The following XKR6 variants were observed in gnomAD, a reference collection of about 807,000 sequenced individuals.
The protein encoded by XKR6 is XK-related protein 6.
A neutral mutation model predicts 56.7 loss-of-function variants in XKR6; 22 were observed. That is an observed-to-expected ratio of 0.39 (90% CI 0.28 to 0.55). The LOEUF (loss-of-function observed/expected upper bound fraction) is 0.55. XKR6 is among the 20% of genes least tolerant of loss of function. XKR6 has a pLI of 0.66. For synonymous variants in XKR6, 524 were observed against 387.8 expected, an observed-to-expected ratio of 1.35 and a Z score of -4.13; for missense variants, 852 against 889.0, an observed-to-expected ratio of 0.96 and a Z score of 0.53.
intron 1 of XKR6, among the ~76,000 whole-genome samples, chr8:11,182,798 T>C (rs983954341): frequency 1.3e-5 from 2 of 152,228 alleles, no homozygotes; most frequent in African/African-American, 4.8e-5. Flanking sequence ...ACATTCACAA[T>C]GCATCATCAG....
intron 1 of XKR6, among the ~76,000 whole-genome samples, chr8:11,177,555 T>C (rs1287566763): frequency 7.4e-6 from 1 of 135,908 alleles, no homozygotes; most frequent in Non-Finnish European, 1.7e-5. Flanking sequence ...ATGTAGTAAC[T>C]TAAGGTGAGG....
intron 1 of XKR6, among the ~76,000 whole-genome samples, chr8:11,170,965 C>G (rs1802337533): frequency 6.6e-6 from 1 of 152,224 alleles, no homozygotes; most frequent in Non-Finnish European, 1.5e-5. Flanking sequence ...TCACCCTTCA[C>G]AAATGACTAC....
intron 1 of XKR6, among the ~76,000 whole-genome samples, chr8:11,121,884 A>G (rs1799475309): frequency 6.6e-6 from 1 of 152,238 alleles, no homozygotes; most frequent in Non-Finnish European, 1.5e-5. Flanking sequence ...TGTCCTTTGT[A>G]GGGACGTGGA....
chr8:11,134,979 T>C (rs1800306343), intron 1 of XKR6, among the ~76,000 whole-genome samples: 2 of 152,088 alleles, frequency 1.3e-5, no homozygotes, highest in African/African-American at 4.8e-5. Context: ...CAAATTTTGA[T>C]TGTATTTGTT....
chr8:11,114,222 G>A (rs1799049058), intron 1 of XKR6: 1 of 289,768 alleles, frequency 3.5e-6, no homozygotes, highest in Non-Finnish European at 6.7e-6. Flanking sequence ...TCTACACAGA[G>A]AATCACAATC....
intron 1 of XKR6, among the ~76,000 whole-genome samples, chr8:11,069,349 C>T (rs972812316): frequency 6.6e-6 from 1 of 152,158 alleles, no homozygotes; most frequent in Admixed American, 6.5e-5. Context: ...CTGGTCCATC[C>T]CCCACCAGAG....
intron 2 of XKR6, among the ~76,000 whole-genome samples, chr8:10,917,281 C>T (rs1261059942): frequency 6.6e-6 from 1 of 152,158 alleles, no homozygotes; most frequent in African/African-American, 2.4e-5. Flanking sequence ...CAACTTCCTT[C>T]CCTCTCTGTG....
At chr8:11,092,265 T>A (rs1036200250) in intron 1 of XKR6, among the ~76,000 whole-genome samples, 6 of 152,218 alleles carry the variant, frequency 3.9e-5, no homozygotes, top group African/African-American at 1.4e-4. Flanking sequence ...CTGCAACTCA[T>A]TGTGCACGCA....
chr8:10,928,144 A>G (rs1199222941), intron 1 of XKR6, among the ~76,000 whole-genome samples: 3 of 152,164 alleles, frequency 2.0e-5, no homozygotes, highest in African/African-American at 7.2e-5. Flanking sequence ...TTTATAGTGG[A>G]GGGCCCAGGT....
At position 11,067,905 on chromosome 8, in the gene XKR6, G is replaced by A. The variant is rs12681505; in HGVS notation, c.764+132671C>T. On this transcript the variant is annotated intron_variant, in intron 1 of 2. Transcript: ENST00000416569. ...GGGGTCTCCCCATGACTGCAGCCGC[G>A]CCCATGCTCACTGGGTAATGCTGTG... Among the ~76,000 whole-genome samples, 33 of 152,338 alleles carry A rather than the reference G, an allele frequency of 2.2e-4. No individual in the cohort carries two copies. In the East Asian group the frequency reaches 5.6e-3, roughly 26 times the overall value.
At chr8:11,166,213 A>T (rs1053682087) in intron 1 of XKR6, among the ~76,000 whole-genome samples, 1 of 152,132 alleles carries the variant, frequency 6.6e-6, no homozygotes, top group Non-Finnish European at 1.5e-5. Flanking sequence ...ACTATCCTTC[A>T]TTTTCCAGTG....
At chr8:11,085,636 G>A (rs1202314730) in intron 1 of XKR6, among the ~76,000 whole-genome samples, 2 of 152,126 alleles carry the variant, frequency 1.3e-5, no homozygotes, top group African/African-American at 4.8e-5. Context: ...AGGAAAGAAT[G>A]CCCGCCATAG....
At chr8:11,105,546 G>C (rs1024427952) in intron 1 of XKR6, 1 of 152,238 alleles carries the variant, frequency 6.6e-6, no homozygotes, top group Non-Finnish European at 1.5e-5. Context: ...CATTCCTACT[G>C]ATTCACTCCC....
In XKR6 at chr8:11,058,291, A is replaced by C. The variant is rs546377712; in HGVS notation, c.765-133461T>G. Among the ~76,000 whole-genome samples, 5 of 152,360 alleles carry C rather than the reference A, an allele frequency of 3.3e-5. No individual in the cohort carries two copies. In the South Asian group the frequency reaches 1.0e-3, roughly 32 times the overall value. Reference sequence around the variant, plus strand: ...CGATTCCTCAAGGATCTAGTACCAGAAATGCCATTTGACCCAGCAATCCCA... The same window carrying C: ...CGATTCCTCAAGGATCTAGTACCAGCAATGCCATTTGACCCAGCAATCCCA... On this transcript the variant is annotated intron_variant, in intron 1 of 2. Transcript: ENST00000416569.
intron 1 of XKR6, among the ~76,000 whole-genome samples, chr8:11,176,715 G>A (rs1802674587): frequency 6.6e-6 from 1 of 152,012 alleles, no homozygotes; most frequent in South Asian, 2.1e-4. Context: ...GGCCCCATCA[G>A]CAGTTAGGGC....
chr8:10,969,712 G>T (rs1185331079), intron 1 of XKR6, among the ~76,000 whole-genome samples: 1 of 152,194 alleles, frequency 6.6e-6, no homozygotes, highest in Non-Finnish European at 1.5e-5. Flanking sequence ...CGTGAAAGAT[G>T]GAAACAGGAG....
chr8:11,095,586 C>T (rs1164578341), intron 1 of XKR6, among the ~76,000 whole-genome samples: 1 of 152,182 alleles, frequency 6.6e-6, no homozygotes, highest in Non-Finnish European at 1.5e-5. Context: ...TCCTAGTGAA[C>T]AGATGTACTG....
In XKR6 at chr8:11,200,284, G is replaced by A. The variant is rs1409249043; in HGVS notation, c.764+292C>T. Among the ~76,000 whole-genome samples, 1 of 152,242 alleles carries A rather than the reference G, an allele frequency of 6.6e-6. No individual in the cohort carries two copies. Among genetic ancestry groups the A allele is most frequent in the Non-Finnish European group, 1.5e-5 (1 of 68,036 alleles). ...GGAGGCAGGGAAAAGGGACGCTTGG[G>A]AACGGAGCTCTGCAGAGGGGACGGG... On this transcript the variant is annotated intron_variant, in intron 1 of 2. Coordinates refer to ENST00000416569, the MANE Select transcript of XKR6 (RefSeq NM_173683.4). This position sits in a 1 kb window ranked among gnomAD's most constrained non-coding sequence, Gnocchi z 6.4.
rs1369120381 is a variant in XKR6 at position 11,120,649 on chromosome 8, C to T, written c.764+79927G>A. ...TAGATTCAATGCCATCCCCATCAAG[C>T]TACCAATGACTTTCTTCACAGAATT... is the stretch of plus-strand genomic sequence containing the variant. On this transcript the variant is annotated intron_variant, in intron 1 of 2. Coordinates refer to ENST00000416569, the MANE Select transcript of XKR6 (RefSeq NM_173683.4). Among the ~76,000 whole-genome samples the T allele has an allele frequency of 5.9e-5, 9 of 152,130 alleles. No homozygotes were observed. The South Asian group carries it at 6.2e-4, about 11-fold the overall frequency.
Sources: allele counts gnomAD v4.1 joint callset (sites outside exome capture counted in the v4.1 genomes callset), GRCh38; gene constraint gnomAD v4.1.1; non-coding constraint Gnocchi (gnomAD v3.1); transcripts MANE v1.5; gene names NCBI Gene and HGNC (gene_info 2026-07-23, HGNC 2026-07-21).